The following CSF1R variants were observed in gnomAD, a reference collection of about 807,000 sequenced individuals.
The protein encoded by CSF1R is macrophage colony-stimulating factor 1 receptor.
Under a neutral mutation model 110.0 loss-of-function variants are expected in CSF1R, and 40 were observed. The ratio of observed to expected loss-of-function variants is 0.36; its 90% CI spans 0.28 to 0.47. CSF1R has a LOEUF of 0.47. CSF1R is among the 20% of genes least tolerant of loss of function. CSF1R has a pLI of 0.99. For missense variants in CSF1R, 1,052 were observed against 1,253.0 expected (o/e 0.84, Z 2.42); for synonymous variants, 523 against 503.4 (o/e 1.04, Z -0.52).
chr5:150,076,207 C>T (rs1301904673), intron 5 of CSF1R, among the ~76,000 whole-genome samples: 1 of 152,198 alleles, frequency 6.6e-6, no homozygotes, highest in Non-Finnish European at 1.5e-5. Flanking sequence ...GCCCATTCTC[C>T]AGCCTCCAGG....
intron 1 of CSF1R, among the ~76,000 whole-genome samples, chr5:150,104,197 C>T (rs1292647120): frequency 4.6e-5 from 7 of 152,218 alleles, no homozygotes; most frequent in Admixed American, 1.3e-4. Flanking sequence ...CAATTCTCAC[C>T]AAGTCCCTGA....
Position 150,053,858 on chromosome 5 carries a change from C to T in CSF1R, c.*211G>A. The T allele has an allele frequency of 1.6e-6, 1 of 607,102 alleles. No individual in the cohort carries two copies. Among genetic ancestry groups the T allele is most frequent in the Admixed American group, 2.9e-5 (1 of 34,870 alleles). 37.6% of individuals were successfully genotyped at this position (607,102 alleles called of 1,614,324 possible). On this transcript the variant is annotated 3_prime_UTR_variant, in exon 21 of 21. Transcript: ENST00000675795. ...GGAGGGGGGGGTGAGGGCTCAGCCC[C>T]CAGCCCCTGACTGGCAGTGATGGCC...
At chr5:150,066,484 C>T (rs1757779528) in intron 10 of CSF1R, among the ~76,000 whole-genome samples, 1 of 152,214 alleles carries the variant, frequency 6.6e-6, no homozygotes, top group Non-Finnish European at 1.5e-5. Flanking sequence ...TGTTAGAGAA[C>T]ACCCAGACCC....
chr5:150,091,421 T>C (rs1339762859), upstream of CSF1R, among the ~76,000 whole-genome samples: 1 of 152,238 alleles, frequency 6.6e-6, no homozygotes, highest in African/African-American at 2.4e-5. Context: ...TACAATTGAA[T>C]ATTATTCAGC....
At chr5:150,091,211 ATG>A (rs1759027036), upstream of CSF1R, among the ~76,000 whole-genome samples, 1 of 152,202 alleles carries the variant, frequency 6.6e-6, no homozygotes, top group Non-Finnish European at 1.5e-5. Context: ...TGCAGCTGCT[ATG>A]GTAATCAGTT....
chr5:150,095,658 T>A (rs1338492067), intron 1 of CSF1R, among the ~76,000 whole-genome samples: 1 of 129,232 alleles, frequency 7.7e-6, no homozygotes, highest in Non-Finnish European at 1.7e-5. Context: ...AGGAAGGAAA[T>A]AAAGACACGA....
intron 1 of CSF1R, among the ~76,000 whole-genome samples, chr5:150,107,906 A>G (rs1487239224): frequency 6.6e-6 from 1 of 152,232 alleles, no homozygotes; most frequent in Non-Finnish European, 1.5e-5. Context: ...ATGGTGGTGA[A>G]CAGGTCAGCT....
chr5:150,055,535 G>C (rs1757168372), intron 18 of CSF1R, among the ~76,000 whole-genome samples, 199 bp from the exon 19 acceptor site: 1 of 152,210 alleles, frequency 6.6e-6, no homozygotes, highest in African/African-American at 2.4e-5. Context: ...CTCTATCCAG[G>C]CCTTATCACA....
In CSF1R at chr5:150,086,050, G is replaced by A. The variant is rs571486736; in HGVS notation, c.49+329C>T. Among the ~76,000 whole-genome samples, 4 of 152,312 alleles carry A rather than the reference G, an allele frequency of 2.6e-5. No homozygotes were observed. The East Asian group carries it at 5.8e-4, about 22-fold the overall frequency. ...GTATGAAAAGCACTGCTCTGGTCTA[G>A]TCTATCACTGTCCCCCTGCCCCCAA... is the stretch of plus-strand genomic sequence containing the variant. On this transcript the variant is annotated intron_variant, in intron 1 of 20. Transcript: ENST00000675795.
chr5:150,058,781 G>T, intron 14 of CSF1R, among the ~76,000 whole-genome samples: 1 of 151,928 alleles, frequency 6.6e-6, no homozygotes, highest in Middle Eastern at 3.4e-3. Context: ...GGATGAGGGC[G>T]CAGTGTACAC....
At chr5:150,079,932 A>C (rs1758448845) in intron 3 of CSF1R, 120 bp downstream of exon 3, 1 of 1,217,444 alleles carries the variant, frequency 8.2e-7, no homozygotes, top group African/African-American at 1.5e-5. Flanking sequence ...GGAAGAAGTG[A>C]AAGAAAGAGG....
Position 150,062,478 on chromosome 5 carries a change from A to C in CSF1R, c.1627-629T>G, listed in dbSNP as rs576242951. On this transcript the variant is annotated intron_variant, in intron 10 of 20. Coordinates refer to ENST00000675795, the MANE Select transcript of CSF1R (RefSeq NM_001288705.3). Reference sequence around the variant, plus strand: ...TGATTCTGCTGTCTCTGTGAATTGCACTGCTCTAGGCACTGCACCTCAGTG... The same window carrying C: ...TGATTCTGCTGTCTCTGTGAATTGCCCTGCTCTAGGCACTGCACCTCAGTG... 2.8e-4 allele frequency among the ~76,000 whole-genome samples: 41 copies of C among 146,466 alleles called. 4 individuals are homozygous for C. The highest frequency in any genetic ancestry group is 4.7e-4 in the Non-Finnish European group (31 of 66,630).
chr5:150,075,956 C>T (rs1432608791), intron 5 of CSF1R, among the ~76,000 whole-genome samples: 3 of 152,250 alleles, frequency 2.0e-5, no homozygotes, highest in Non-Finnish European at 4.4e-5. Context: ...GCTCATGATT[C>T]TCATGCTCCT....
Position 150,056,099 on chromosome 5 carries a change from G to T in CSF1R, c.2481C>A (p.Ile827=). ...TCTGAACCGTGTAGACACAGTCAAAGATGCTCTCTGGGGCCATCCACTTCA... is the reference window on the plus strand; with the variant it reads ...TCTGAACCGTGTAGACACAGTCAAATATGCTCTCTGGGGCCATCCACTTCA... The part of the protein sequence containing the change: ...LPVKWMAPES[I]FDCVYTVQSD... Residue 827 remains isoleucine, a synonymous_variant, in exon 18 of 21, where the codon ATC becomes ATA. Coordinates refer to ENST00000675795, the MANE Select transcript of CSF1R (RefSeq NM_001288705.3). 1 of 1,614,242 alleles carries T rather than the reference G, an allele frequency of 6.2e-7. No homozygotes were observed. The highest frequency in any genetic ancestry group is 8.5e-7 in the Non-Finnish European group (1 of 1,180,044).
At chr5:150,093,159 A>C (rs1759099726) in intron 1 of CSF1R, among the ~76,000 whole-genome samples, 1 of 152,118 alleles carries the variant, frequency 6.6e-6, no homozygotes, top group South Asian at 2.1e-4. Context: ...GCTCACTGCA[A>C]CTTCCACCTC....
At chr5:150,102,831 T>G (rs937006232) in intron 1 of CSF1R, among the ~76,000 whole-genome samples, 1 of 152,258 alleles carries the variant, frequency 6.6e-6, no homozygotes, top group Non-Finnish European at 1.5e-5. Flanking sequence ...TTATCAGAAA[T>G]GCTGAAAATA....
At chr5:150,066,659 A>G (rs753670681) in intron 10 of CSF1R, among the ~76,000 whole-genome samples, 3 of 152,204 alleles carry the variant, frequency 2.0e-5, no homozygotes, top group Non-Finnish European at 4.4e-5. Context: ...ATCCCGATCC[A>G]TGTGCCCCTG....
rs572264875 is a variant in CSF1R, at chr5:150,096,314, C to T, written c.-180-9707G>A. ...CTGAGGTAGGAGAATTGCTTGAACC[C>T]GGGAGGCAGAGGTTGCTGTGAGCTG... On this transcript the variant is annotated intron_variant, in intron 1 of 21. Transcript: ENST00000286301. Among the ~76,000 whole-genome samples the T allele has an allele frequency of 5.9e-5, 9 of 152,242 alleles. No individual in the cohort carries two copies. In the South Asian group the frequency reaches 1.2e-3, roughly 21 times the overall value.
At chr5:150,054,734 C>G (rs567785380) in intron 19 of CSF1R, 1 of 331,806 alleles carries the variant, frequency 3.0e-6, no homozygotes, top group African/African-American at 2.1e-5. Context: ...TTCCTGTAAT[C>G]CCAACACTTT....
Sources: allele counts gnomAD v4.1 joint callset (sites outside exome capture counted in the v4.1 genomes callset), GRCh38; gene constraint gnomAD v4.1.1; transcripts MANE v1.5; gene names NCBI Gene and HGNC (gene_info 2026-07-23, HGNC 2026-07-21).